The following PDE7B variants were observed in gnomAD, a reference collection of about 807,000 sequenced individuals.
PDE7B encodes the protein 3',5'-cyclic-AMP phosphodiesterase 7B.
Under a neutral mutation model 56.2 loss-of-function variants are expected in PDE7B, and 29 were observed. The observed-to-expected ratio is 0.52, with a 90% CI of 0.38 to 0.70. The LOEUF is 0.70. Among genes scored for constraint, PDE7B ranks in the 30% least tolerant of loss-of-function variants. PDE7B has a pLI of 0.00. For synonymous variants in PDE7B, 197 were observed against 196.9 expected (o/e 1.00, Z 0.00); for missense variants, 490 against 565.0 (o/e 0.87, Z 1.35).
At chr6:135,931,593 T>C (rs1205785562) in intron 1 of PDE7B, among the ~76,000 whole-genome samples, 1 of 152,036 alleles carries the variant, frequency 6.6e-6, no homozygotes, top group African/African-American at 2.4e-5. Context: ...TGATAAAAAT[T>C]TTTTCCCAGA....
chr6:136,112,750 TTTAAAA>T, intron 3 of PDE7B: 1 of 152,294 alleles, frequency 6.6e-6, no homozygotes, highest in East Asian at 1.9e-4. Flanking sequence ...TAAATTCCAA[TTTAAAA>T]TTATAATTTC....
At chr6:135,971,452 T>C (rs1775092756) in intron 2 of PDE7B, among the ~76,000 whole-genome samples, 1 of 152,106 alleles carries the variant, frequency 6.6e-6, no homozygotes, top group Admixed American at 6.6e-5. Context: ...AGATTGCTCT[T>C]TTAGGCAGAC....
chr6:136,106,158 G>C (rs1207887918), intron 2 of PDE7B, among the ~76,000 whole-genome samples: 1 of 152,170 alleles, frequency 6.6e-6, no homozygotes, highest in African/African-American at 2.4e-5. Flanking sequence ...AAATCCACAA[G>C]CCCAGCCAGC....
chr6:136,060,251 T>C (rs1776814254), intron 2 of PDE7B, among the ~76,000 whole-genome samples: 1 of 152,222 alleles, frequency 6.6e-6, no homozygotes, highest in South Asian at 2.1e-4. Flanking sequence ...ACCCTGTTCC[T>C]GACCTTATGG....
intron 2 of PDE7B, among the ~76,000 whole-genome samples, chr6:136,029,007 G>T (rs1776195702): frequency 6.6e-6 from 1 of 152,172 alleles, no homozygotes; most frequent in African/African-American, 2.4e-5. Context: ...GTGTTTACAG[G>T]ACTAGGTGAG....
intron 2 of PDE7B, among the ~76,000 whole-genome samples, chr6:135,957,391 T>C (rs999610744): frequency 6.6e-6 from 1 of 152,198 alleles, no homozygotes; most frequent in East Asian, 1.9e-4. Context: ...TCCAGGCCTA[T>C]TCTTTAAAAT....
chr6:135,960,298 G>A (rs1774877765), intron 2 of PDE7B, among the ~76,000 whole-genome samples: 1 of 152,166 alleles, frequency 6.6e-6, no homozygotes, highest in African/African-American at 2.4e-5. Context: ...ATGGAGAAGT[G>A]TTTGACTAAT....
chr6:136,091,000 C>T (rs1432182340), intron 2 of PDE7B, among the ~76,000 whole-genome samples: 1 of 152,224 alleles, frequency 6.6e-6, no homozygotes, highest in African/African-American at 2.4e-5. Context: ...CAACAGGACA[C>T]AATTCACAAA....
At chr6:135,978,752 G>C (rs1192560040) in intron 2 of PDE7B, among the ~76,000 whole-genome samples, 1 of 151,988 alleles carries the variant, frequency 6.6e-6, no homozygotes, top group African/African-American at 2.4e-5. Flanking sequence ...TGCTGAAGTT[G>C]CTTATCAGCT....
At chr6:135,943,483 A>T (rs2128198918) in intron 1 of PDE7B, among the ~76,000 whole-genome samples, 2 of 152,234 alleles carry the variant, frequency 1.3e-5, no homozygotes, top group East Asian at 3.8e-4. Flanking sequence ...GAGCAGGTCA[A>T]AAGTAGCCAA....
chr6:136,108,417 T>G (rs1486450425), intron 2 of PDE7B, among the ~76,000 whole-genome samples: 2 of 152,188 alleles, frequency 1.3e-5, no homozygotes, highest in African/African-American at 4.8e-5. Context: ...CTTTCTGGAT[T>G]CAGAGTCTTT....
intron 1 of PDE7B, among the ~76,000 whole-genome samples, chr6:135,943,165 T>C (rs1774535174): frequency 6.6e-6 from 1 of 152,250 alleles, no homozygotes; most frequent in Admixed American, 6.5e-5. Flanking sequence ...AATTTTTATT[T>C]TTGTTTTACA....
chr6:136,106,916 T>C lies in PDE7B; in HGVS notation c.83-1815T>C, dbSNP rs189226597. On this transcript the variant is annotated intron_variant, in intron 2 of 12. Transcript: ENST00000308191. ...TGATGTAAGTTTATATTCAGACCTATAAAAGTACTTTTCCATCTATTCCTC... is the reference window on the plus strand; with the variant it reads ...TGATGTAAGTTTATATTCAGACCTACAAAAGTACTTTTCCATCTATTCCTC... 4.2e-3 allele frequency among the ~76,000 whole-genome samples: 641 copies of C among 152,318 alleles called. 3 individuals are homozygous for C. Among genetic ancestry groups the C allele is most frequent in the Non-Finnish European group, 6.3e-3 (431 of 68,026 alleles).
At chr6:135,914,961 C>T (rs1776275420) in intron 1 of PDE7B, among the ~76,000 whole-genome samples, 1 of 151,708 alleles carries the variant, frequency 6.6e-6, no homozygotes, top group Admixed American at 6.6e-5. Flanking sequence ...GGTGTGGTGG[C>T]AGGTGCCTTT....
intron 2 of PDE7B, among the ~76,000 whole-genome samples, chr6:136,057,119 A>T (rs1354656150): frequency 1.3e-5 from 2 of 152,242 alleles, no homozygotes; most frequent in African/African-American, 4.8e-5. Flanking sequence ...CCACACAAAG[A>T]ACTAGCACAC....
intron 2 of PDE7B, among the ~76,000 whole-genome samples, chr6:136,098,537 G>C (rs1434780155): frequency 6.6e-6 from 1 of 152,034 alleles, no homozygotes; most frequent in African/African-American, 2.4e-5. Flanking sequence ...GGGATTGCTA[G>C]GGAGCCATTT....
At chr6:135,916,547 C>T (rs959939162) in intron 1 of PDE7B, among the ~76,000 whole-genome samples, 2 of 151,776 alleles carry the variant, frequency 1.3e-5, no homozygotes, top group African/African-American at 4.8e-5. Flanking sequence ...TGACCGCCAC[C>T]ATGCCTGGCT....
chr6:135,934,309 T>C (rs1009301610), intron 1 of PDE7B, among the ~76,000 whole-genome samples: 2 of 152,214 alleles, frequency 1.3e-5, no homozygotes, highest in Non-Finnish European at 2.9e-5. Context: ...ACTAATGAGA[T>C]AGAATATAGG....
chr6:135,952,392 G>A (rs543350277), intron 2 of PDE7B, among the ~76,000 whole-genome samples: 3 of 152,146 alleles, frequency 2.0e-5, no homozygotes, highest in East Asian at 1.9e-4. Context: ...AGGGTAGAAC[G>A]AGACCTTCAT....
Sources: gnomAD v4.1 joint callset for allele counts (sites outside exome capture counted in the v4.1 genomes callset) on GRCh38, gnomAD v4.1.1 for gene constraint, MANE v1.5 for transcripts, NCBI Gene and HGNC (gene_info 2026-07-23, HGNC 2026-07-21) for gene names.